JAM3: variants seen among roughly 807,000 people sequenced by gnomAD.
JAM3 encodes junctional adhesion molecule C.
In JAM3, 31 loss-of-function variants were observed where a neutral mutation model predicts 39.4. The ratio of observed to expected loss-of-function variants is 0.79; its 90% confidence interval spans 0.59 to 1.06. The LOEUF (loss-of-function observed/expected upper bound fraction) is 1.06, where lower values mean the gene tolerates loss of function less well. JAM3 is among the 50% of genes least tolerant of loss of function. The pLI, the probability that JAM3 is intolerant of heterozygous loss-of-function variation, is 0.00. For missense variants in JAM3, 455 were observed against 391.4 expected (o/e 1.16, Z -1.37); for synonymous variants, 182 against 148.7 (o/e 1.22, Z -1.63).
chr11:134,133,925 T>C (rs905379271), intron 1 of JAM3, among the ~76,000 whole-genome samples: 3 of 152,166 alleles, frequency 2.0e-5, no homozygotes, highest in Admixed American at 1.3e-4. Context: ...AACTCTGATA[T>C]GGAAGAGATG....
In JAM3 at chr11:134,141,853, T is replaced by TAAC. The variant is rs1942978629; in HGVS notation, c.256+1083_256+1084insAAC. Reference sequence around the variant, plus strand: ...AGCTGCAGGAGGTACACATGCAGGCTCGTGCATGAGTCGGAGCCTGTGGAG... The same window carrying TAAC: ...AGCTGCAGGAGGTACACATGCAGGCTAACCGTGCATGAGTCGGAGCCTGTGGAG... On this transcript the variant is annotated intron_variant, in intron 3 of 8. Transcript: ENST00000299106. 8.6e-5 allele frequency among the ~76,000 whole-genome samples: 13 copies of TAAC among 151,972 alleles called. 1 individual carries two copies. In the South Asian group the frequency reaches 2.7e-3, roughly 32 times the overall value.
At chr11:134,106,939 C>G (rs1317593856) in intron 1 of JAM3, among the ~76,000 whole-genome samples, 1 of 152,158 alleles carries the variant, frequency 6.6e-6, no homozygotes, top group Admixed American at 6.5e-5. Context: ...CCTCAGGGAT[C>G]TAGAACTAGA....
At chr11:134,103,304 G>A (rs1403103897) in intron 1 of JAM3, among the ~76,000 whole-genome samples, 1 of 152,068 alleles carries the variant, frequency 6.6e-6, no homozygotes, top group Non-Finnish European at 1.5e-5. Context: ...TTAGAGACAA[G>A]CAAATGCTGA....
chr11:134,093,125 G>A (rs79603097), intron 1 of JAM3, among the ~76,000 whole-genome samples: 2 of 114,764 alleles, frequency 1.7e-5, no homozygotes, highest in African/African-American at 8.5e-5. Context: ...CTTCTCCTGA[G>A]CCCTCTTTAT....
At chr11:134,121,167 G>A (rs796291099) in intron 1 of JAM3, among the ~76,000 whole-genome samples, 3 of 152,330 alleles carry the variant, frequency 2.0e-5, no homozygotes, top group African/African-American at 7.2e-5. Flanking sequence ...TCCAGGGCGT[G>A]AGGAGGTGGG....
At chr11:134,144,423 C>T in intron 4 of JAM3, 30 bp downstream of exon 4, 1 of 1,612,228 alleles carries the variant, frequency 6.2e-7, no homozygotes, top group Non-Finnish European at 8.5e-7. Context: ...TGAGACATTG[C>T]CACCATAGGA....
intron 1 of JAM3, among the ~76,000 whole-genome samples, chr11:134,125,732 TCAAGTCCCAG>T (rs1295268947): frequency 6.6e-6 from 1 of 152,190 alleles, no homozygotes; most frequent in Admixed American, 6.5e-5. Context: ...TACAGCTCGT[TCAAGTCCCAG>T]CAGCACTGTG....
At chr11:134,088,089 C>T (rs905479241) in intron 1 of JAM3, among the ~76,000 whole-genome samples, 2 of 152,174 alleles carry the variant, frequency 1.3e-5, no homozygotes, top group African/African-American at 4.8e-5. Context: ...CAGGGATGTT[C>T]AATGCCTGCT....
At chr11:134,113,280 T>C (rs1942353678) in intron 1 of JAM3, among the ~76,000 whole-genome samples, 1 of 151,710 alleles carries the variant, frequency 6.6e-6, no homozygotes, top group South Asian at 2.1e-4. Flanking sequence ...GCTGTGTTGG[T>C]GTGCTGCACC....
chr11:134,085,751 C>T (rs796677099), intron 1 of JAM3, among the ~76,000 whole-genome samples: 6 of 152,252 alleles, frequency 3.9e-5, no homozygotes, highest in African/African-American at 1.4e-4. Context: ...AGCTTGTCTT[C>T]TGTGTAGCGT....
At chr11:134,137,678 G>A in intron 1 of JAM3, among the ~76,000 whole-genome samples, 1 of 148,908 alleles carries the variant, frequency 6.7e-6, no homozygotes, top group East Asian at 1.9e-4. Flanking sequence ...TCTAAGTCGT[G>A]GTGCTCATAC....
At chr11:134,124,003 G>A (rs957645114) in intron 1 of JAM3, 37 of 1,507,406 alleles carry the variant, frequency 2.5e-5, no homozygotes, top group African/African-American at 4.1e-5. Context: ...ACCAGCACAG[G>A]TGCCCTTCCC....
rs563574567 is a variant in JAM3, at chr11:134,150,347, A to T, written c.*1166A>T. 1 of 152,108 alleles carries T rather than the reference A, an allele frequency of 6.6e-6. No individual in the cohort carries two copies. The highest frequency in any genetic ancestry group is 1.9e-4 in the East Asian group (1 of 5,202). The allele number at this position is 152,108 out of a possible 1,614,324, so 9.4% of individuals were successfully genotyped here. ...CAGTCTGTACCCAGAGGCCACCCAG[A>T]AGCCCTCAGATGTACATACACAGAT... On this transcript the variant is annotated 3_prime_UTR_variant, in exon 9 of 9. Transcript: ENST00000299106.
Position 134,144,406 on chromosome 11 carries a change from G to C in JAM3, c.409+13G>C. The C allele has an allele frequency of 6.2e-7, 1 of 1,614,118 alleles. No homozygotes were observed. Among genetic ancestry groups the C allele is most frequent in the Non-Finnish European group, 8.5e-7 (1 of 1,179,972 alleles). On this transcript the variant is annotated intron_variant, in intron 4 of 8. Coordinates refer to ENST00000299106, the MANE Select transcript of JAM3 (RefSeq NM_032801.5). ...TTAACTGTGCAAGGTAGGAGCTCAT[G>C]CGAAGGTGAGACATTGCCACCATAG...
intron 1 of JAM3, among the ~76,000 whole-genome samples, chr11:134,108,319 C>T (rs781150349): frequency 5.3e-5 from 8 of 151,470 alleles, no homozygotes; most frequent in Non-Finnish European, 8.8e-5. Context: ...ACAAAGAAAA[C>T]TCCAGGCCCA....
At chr11:134,112,079 A>G (rs939687748) in intron 1 of JAM3, among the ~76,000 whole-genome samples, 3 of 152,188 alleles carry the variant, frequency 2.0e-5, no homozygotes, top group African/African-American at 7.2e-5. Flanking sequence ...CACTTTTATT[A>G]CGGTAAAGCA....
intron 1 of JAM3, among the ~76,000 whole-genome samples, chr11:134,134,046 C>G (rs1591802032): frequency 6.6e-6 from 1 of 151,768 alleles, no homozygotes; most frequent in East Asian, 1.9e-4. Flanking sequence ...ATGGACAGTG[C>G]AAGCAGAGAG....
intron 1 of JAM3, among the ~76,000 whole-genome samples, chr11:134,130,291 G>T (rs1942744300): frequency 6.6e-6 from 1 of 152,186 alleles, no homozygotes; most frequent in African/African-American, 2.4e-5. Context: ...TCTATGTTTG[G>T]ATTGGTGTAG....
intron 1 of JAM3, among the ~76,000 whole-genome samples, chr11:134,105,324 C>T (rs914341667): frequency 6.6e-6 from 1 of 152,136 alleles, no homozygotes; most frequent in Admixed American, 6.5e-5. Context: ...TAAAAACTCT[C>T]AATAAATTAG....
Sources: gnomAD v4.1 joint callset for allele counts (sites outside exome capture counted in the v4.1 genomes callset) on GRCh38, gnomAD v4.1.1 for gene constraint, MANE v1.5 for transcripts, NCBI Gene and HGNC (gene_info 2026-07-23, HGNC 2026-07-21) for gene names.